Variants in BAHCC1 observed in about 807,000 individuals in gnomAD.
BAHCC1 encodes the protein BAH domain and coiled-coil containing 1.
In BAHCC1, 43 loss-of-function variants were observed where a neutral mutation model predicts 88.2. The observed-to-expected ratio is 0.49, with a 90% CI of 0.38 to 0.63. The LOEUF (loss-of-function observed/expected upper bound fraction) is 0.63. BAHCC1 is among the 20% of genes least tolerant of loss of function. The pLI is 0.00. For missense variants in BAHCC1, 3,023 were observed against 1,654.8 expected (o/e 1.83, Z -14.34); for synonymous variants, 1,510 against 745.5 (o/e 2.03, Z -16.71).
At position 81,458,353 on chromosome 17, in the gene BAHCC1, G is replaced by A. The variant is rs782161585; in HGVS notation, c.5230G>A (p.Ala1744Thr). Residue 1744 changes from alanine (A) to threonine (T), a missense_variant, in exon 18 of 28, where the codon GCC becomes ACC. Ala to Thr is a moderately conservative substitution (Grantham distance 58, BLOSUM62 0). Transcript: ENST00000675386. Reference protein sequence around the residue: ...AEPGATPSRDALFNPSRAFAC... With the variant: ...AEPGATPSRDTLFNPSRAFAC... ...GCCGGGGGCCACCCCCAGCAGGGAC[G>A]CCCTCTTCAACCCCTCTCGGGCCTT... 52 of 729,930 alleles carry A rather than the reference G, an allele frequency of 7.1e-5. No individual in the cohort carries two copies. Among genetic ancestry groups the A allele is most frequent in the Non-Finnish European group, 1.1e-4 (45 of 395,382 alleles). 45.2% of individuals were successfully genotyped at this position (729,930 alleles called of 1,614,324 possible).
In BAHCC1 at chr17:81,464,140, A is replaced by C; in HGVS notation, c.*323A>C. The stretch of plus-strand genomic sequence containing the variant: ...GATTTGAATCCAAGCCATATTCCCT[A>C]GTACCTCCGACTGTCTCCCACCAGG... On this transcript the variant is annotated 3_prime_UTR_variant, in exon 28 of 28. Coordinates refer to ENST00000675386, the MANE Select transcript of BAHCC1 (RefSeq NM_001377448.1). The C allele has an allele frequency of 2.3e-6, 1 of 438,476 alleles. No homozygotes were observed. Among genetic ancestry groups the C allele is most frequent in the Non-Finnish European group, 4.2e-6 (1 of 238,970 alleles). The allele number at this position is 438,476 out of a possible 1,614,324, so 27.2% of individuals were successfully genotyped here. A position where few individuals can be genotyped will look rare whatever the true frequency, so the allele number is the denominator to read the frequency against.
chr17:81,445,332 A>C (rs1555654010), intron 9 of BAHCC1, 22 bp from the exon 10 acceptor site: 1 of 763,858 alleles, frequency 1.3e-6, no homozygotes, highest in Admixed American at 1.8e-5. Context: ...AGCCTGACCG[A>C]GCTTGCCCCC....
chr17:81,418,796 C>CAT (rs1555649103), intron 2 of BAHCC1, among the ~76,000 whole-genome samples: 134 of 144,908 alleles, frequency 9.2e-4, no homozygotes, highest in African/African-American at 2.5e-3. Context: ...TACGTGTGTG[C>CAT]GTGTGTGTGT....
intron 2 of BAHCC1, chr17:81,415,409 GT>G: frequency 2.7e-6 from 1 of 370,166 alleles, no homozygotes; most frequent in Non-Finnish European, 5.4e-6. Flanking sequence ...GAGACACAGA[GT>G]TTGGCAGGGG....
intron 2 of BAHCC1, among the ~76,000 whole-genome samples, chr17:81,418,298 G>A (rs1344576199): frequency 6.6e-6 from 1 of 152,206 alleles, no homozygotes; most frequent in Admixed American, 6.5e-5. Context: ...ATTGGGTCCT[G>A]CTTCTCCACC....
In BAHCC1 at chr17:81,443,376, G is replaced by A. The variant is rs374278977; in HGVS notation, c.2027G>A (p.Gly676Asp). The change falls in exon 5 of 28, where the codon GGC becomes GAC. Residue 676 changes from glycine to aspartate, a missense_variant. Gly to Asp is a moderately conservative substitution (Grantham distance 94). Transcript: ENST00000675386. ...EAKFLSSKGPGQSERPDCARS... is the reference protein window; with the variant it reads ...EAKFLSSKGPDQSERPDCARS... ...AAGTTCCTGTCCTCTAAGGGCCCAGGCCAGTCGGAGAGGCCGGACTGTGCC... is the reference window on the plus strand; with the variant it reads ...AAGTTCCTGTCCTCTAAGGGCCCAGACCAGTCGGAGAGGCCGGACTGTGCC... 52 of 776,180 alleles carry A rather than the reference G, an allele frequency of 6.7e-5. No homozygotes were observed. The highest frequency in any genetic ancestry group is 2.2e-4 in the Admixed American group (13 of 58,570). The allele number at this position is 776,180 out of a possible 1,614,324, so 48.1% of individuals were successfully genotyped here.
rs782293598 is a variant in BAHCC1, at chr17:81,451,884, C to T, written c.4179+14C>T. 1 of 714,402 alleles carries T rather than the reference C, an allele frequency of 1.4e-6. No individual in the cohort carries two copies. Among genetic ancestry groups the T allele is most frequent in the South Asian group, 1.5e-5 (1 of 68,310 alleles). The allele number at this position is 714,402 out of a possible 1,614,324, so 44.3% of individuals were successfully genotyped here. A position where few individuals can be genotyped will look rare whatever the true frequency, so the allele number is the denominator to read the frequency against. ...AAGACCAAGCCTGTGAGTGGAGGTC[C>T]CAGTGCCCACGTCGCCCAGTGCGTT... On this transcript the variant is annotated intron_variant, in intron 12 of 27. Coordinates refer to ENST00000675386, the MANE Select transcript of BAHCC1 (RefSeq NM_001377448.1).
chr17:81,406,994 C>A, intron 2 of BAHCC1: 1 of 456,260 alleles, frequency 2.2e-6, no homozygotes, highest in Admixed American at 2.3e-5. Context: ...AACAGGTGGG[C>A]TGGGTTCCTG....
intron 1 of BAHCC1, 198 bp downstream of exon 1, chr17:81,395,833 C>G (rs1388941129): frequency 6.7e-6 from 1 of 149,850 alleles, no homozygotes; most frequent in East Asian, 2.0e-4. Context: ...AAAATATGGA[C>G]TATGAGCGAT....
At chr17:81,458,535 C>T (rs2143640704) in intron 18 of BAHCC1, 69 bp downstream of exon 18, 2 of 673,450 alleles carry the variant, frequency 3.0e-6, no homozygotes, top group South Asian at 1.6e-5. Context: ...TCCCCGCCCT[C>T]CCCCGCACGC....
intron 2 of BAHCC1, among the ~76,000 whole-genome samples, chr17:81,417,526 G>A (rs1399793961): frequency 1.3e-5 from 2 of 150,970 alleles, no homozygotes; most frequent in East Asian, 2.0e-4. Context: ...GAGGGAGACC[G>A]AGGAGGGACG....
In BAHCC1 at chr17:81,411,946, A is replaced by G. The variant is rs1346420489; in HGVS notation, c.178+12029A>G. 2.6e-5 allele frequency among the ~76,000 whole-genome samples: 4 copies of G among 152,202 alleles called. No individual in the cohort carries two copies. The highest frequency in any genetic ancestry group is 2.6e-4 in the Admixed American group (4 of 15,286). Reference sequence around the variant, plus strand: ...TAGCTTTGCCACAGGAAGCATTTGCATTCAGCGAGACACACAGGCGCACAG... The same window carrying G: ...TAGCTTTGCCACAGGAAGCATTTGCGTTCAGCGAGACACACAGGCGCACAG... On this transcript the variant is annotated intron_variant, in intron 2 of 27. Coordinates refer to ENST00000675386, the MANE Select transcript of BAHCC1 (RefSeq NM_001377448.1). This position sits in a 1 kb window ranked among gnomAD's most constrained non-coding sequence, Gnocchi z 6.2.
In BAHCC1 at chr17:81,463,832, A is replaced by G; in HGVS notation, c.*15A>G. On this transcript the variant is annotated 3_prime_UTR_variant, in exon 28 of 28. Transcript: ENST00000675386. ...TCCTATGCTGAGCCGCCCACCGCAG[A>G]TGCCTCCCACGTGCGCCAGGGACCC... 1 of 710,444 alleles carries G rather than the reference A, an allele frequency of 1.4e-6. No homozygotes were observed. The highest frequency in any genetic ancestry group is 2.6e-6 in the Non-Finnish European group (1 of 389,072). The allele number at this position is 710,444 out of a possible 1,614,324, so 44.0% of individuals were successfully genotyped here. A position where few individuals can be genotyped will look rare whatever the true frequency, so the allele number is the denominator to read the frequency against.
intron 2 of BAHCC1, among the ~76,000 whole-genome samples, chr17:81,426,179 T>G (rs2064195211): frequency 8.0e-6 from 1 of 124,466 alleles, no homozygotes; most frequent in Non-Finnish European, 1.8e-5. Context: ...TAGTGGTGGG[T>G]AATGTGGTTG....
chr17:81,414,191 G>A (rs113337785), intron 2 of BAHCC1, among the ~76,000 whole-genome samples: 188 of 152,346 alleles, frequency 1.2e-3, no homozygotes, highest in Non-Finnish European at 2.3e-3. Context: ...GCAGCAGAGC[G>A]GCTCCTCCCA....
intron 2 of BAHCC1, among the ~76,000 whole-genome samples, chr17:81,404,035 C>T (rs1478918620): frequency 6.6e-6 from 1 of 152,236 alleles, no homozygotes; most frequent in East Asian, 1.9e-4. Flanking sequence ...TAGCACATCT[C>T]CCCTGGAAAA....
At chr17:81,424,485 T>TG (rs1238395609) in intron 2 of BAHCC1, among the ~76,000 whole-genome samples, 2 of 152,326 alleles carry the variant, frequency 1.3e-5, no homozygotes, top group East Asian at 3.9e-4. Context: ...AGCACCCACC[T>TG]GGGTGGTAGT....
At chr17:81,444,972 C>A in intron 8 of BAHCC1, 43 bp from the exon 9 acceptor site, 1 of 704,860 alleles carries the variant, frequency 1.4e-6, no homozygotes, top group African/African-American at 1.8e-5. Flanking sequence ...CCGGAGCTGT[C>A]CCCTCCCCAG....
chr17:81,444,942 A>G (rs570344434), intron 8 of BAHCC1, 73 bp from the exon 9 acceptor site: 155 of 684,342 alleles, frequency 2.3e-4, no homozygotes, highest in African/African-American at 2.2e-3. Flanking sequence ...GGCTGAGGAA[A>G]GGGTGGCGGG....
Sources: gnomAD v4.1 joint callset for allele counts (sites outside exome capture counted in the v4.1 genomes callset) on GRCh38, gnomAD v4.1.1 for gene constraint, Gnocchi (gnomAD v3.1) non-coding constraint, MANE v1.5 for transcripts, NCBI Gene and HGNC (gene_info 2026-07-23, HGNC 2026-07-21) for gene names.